The following ATL1 variants were observed in gnomAD, a reference collection of about 807,000 sequenced individuals.
ATL1 encodes the protein atlastin GTPase 1, also known as atlastin-1.
Under a neutral mutation model 75.5 loss-of-function variants are expected in ATL1, and 31 were observed. That is an observed-to-expected ratio of 0.41 (90% CI 0.31 to 0.55). The LOEUF (loss-of-function observed/expected upper bound fraction) is 0.55. ATL1 is among the 20% of genes least tolerant of loss of function. ATL1 has a pLI of 0.27. For missense variants in ATL1, 405 were observed against 662.6 expected, an observed-to-expected ratio of 0.61 and a Z score of 4.27; for synonymous variants, 226 against 233.3, an observed-to-expected ratio of 0.97 and a Z score of 0.28.
At chr14:50,588,208 CT>C in intron 2 of ATL1, 130 bp downstream of exon 2, 1 of 1,205,652 alleles carries the variant, frequency 8.3e-7, no homozygotes, top group Non-Finnish European at 1.2e-6. Context: ...TAAAGAAATG[CT>C]GTGGTGTAAC....
chr14:50,604,111 C>T (rs1364894325), intron 6 of ATL1, among the ~76,000 whole-genome samples: 1 of 152,150 alleles, frequency 6.6e-6, no homozygotes, highest in African/African-American at 2.4e-5. Context: ...ACTAATGTTA[C>T]CGCTCCTTCT....
intron 12 of ATL1, chr14:50,628,718 TTTTC>T: frequency 7.2e-6 from 4 of 552,136 alleles, no homozygotes; most frequent in Non-Finnish European, 1.3e-5. Flanking sequence ...ATATACTTTT[TTTTC>T]TTTTTTTGGG....
At chr14:50,562,639 C>CAACTCAAGTGA (rs56762681) in intron 1 of ATL1, among the ~76,000 whole-genome samples, 3,043 of 152,216 alleles carry the variant, frequency 0.02, 111 homozygotes, top group African/African-American at 0.069. Flanking sequence ...AGGAAAGTTT[C>CAACTCAAGTGA]AACTCAAGTG....
At chr14:50,612,226 T>G (rs977438101) in intron 6 of ATL1, among the ~76,000 whole-genome samples, 5 of 152,096 alleles carry the variant, frequency 3.3e-5, no homozygotes, top group African/African-American at 1.2e-4. Context: ...CTGTTAAAAG[T>G]CAGGCACGTG....
chr14:50,579,089 T>C (rs533473985), intron 1 of ATL1, among the ~76,000 whole-genome samples: 4 of 152,206 alleles, frequency 2.6e-5, no homozygotes, highest in Admixed American at 6.5e-5. Flanking sequence ...TTGTGGGTTT[T>C]GTCAGTTGCT....
At chr14:50,607,385 GTGTTTTGGAGTTTTGTGGGT>G (rs1404404524) in intron 6 of ATL1, among the ~76,000 whole-genome samples, 3 of 152,056 alleles carry the variant, frequency 2.0e-5, no homozygotes, top group Non-Finnish European at 2.9e-5. Context: ...CGTCAGGGGC[GTGTTTTGGAGTTTTGTGGGT>G]TATGGAAGCA....
At chr14:50,626,200 T>C (rs1192478400) in intron 11 of ATL1, among the ~76,000 whole-genome samples, 1 of 152,210 alleles carries the variant, frequency 6.6e-6, no homozygotes, top group Non-Finnish European at 1.5e-5. Flanking sequence ...CTTTCAAAAG[T>C]TAATAAGAAA....
intron 1 of ATL1, among the ~76,000 whole-genome samples, chr14:50,584,879 C>T (rs1371119067): frequency 6.6e-6 from 1 of 151,744 alleles, no homozygotes; most frequent in Non-Finnish European, 1.5e-5. Context: ...GCCTTTTCAT[C>T]AATTATAGCT....
intron 1 of ATL1, among the ~76,000 whole-genome samples, chr14:50,583,187 C>T (rs1415839956): frequency 6.6e-6 from 1 of 152,054 alleles, no homozygotes; most frequent in Admixed American, 6.5e-5. Flanking sequence ...AAAAGTTATG[C>T]CCATTATCAC....
rs2039459839 is a variant in ATL1 at position 50,620,723 on chromosome 14, C to T, written c.987C>T (p.Phe329=). Residue 329 remains phenylalanine (F), a synonymous_variant, in exon 9 of 14, where the codon TTC becomes TTT. Transcript: ENST00000358385. The part of the protein sequence containing the change: ...KITCRGLVEY[F]KAYIKIYQGE... ...CCTGCCGGGGTCTGGTGGAGTACTTCAAGGTATCACTCTCATTTCTAGAGC... is the reference window on the plus strand; with the variant it reads ...CCTGCCGGGGTCTGGTGGAGTACTTTAAGGTATCACTCTCATTTCTAGAGC... 2 of 1,613,214 alleles carry T rather than the reference C, an allele frequency of 1.2e-6. No homozygotes were observed. Among genetic ancestry groups the T allele is most frequent in the Admixed American group, 3.3e-5 (2 of 59,982 alleles).
chr14:50,621,828 T>C lies in ATL1; in HGVS notation c.991-15T>C, dbSNP rs1335247959. The C allele has an allele frequency of 6.5e-7, 1 of 1,526,910 alleles. No homozygotes were observed. Among genetic ancestry groups the C allele is most frequent in the Admixed American group, 1.7e-5 (1 of 59,274 alleles). The allele number at this position is 1,526,910 out of a possible 1,614,324, so 94.6% of individuals were successfully genotyped here. ...ATGGAATTGCTTGAACATGAATCTT[T>C]TTCTTTTTTTTTAGGCTTATATAAA... On this transcript the variant is annotated splice_polypyrimidine_tract_variant and intron_variant, in intron 9 of 13. Coordinates refer to ENST00000358385, the MANE Select transcript of ATL1 (RefSeq NM_015915.5).
At chr14:50,602,895 G>A (rs1298716264) in intron 6 of ATL1, among the ~76,000 whole-genome samples, 5 of 152,098 alleles carry the variant, frequency 3.3e-5, no homozygotes, top group Admixed American at 3.3e-4. Flanking sequence ...CCACAGTTCT[G>A]CTGAATTGGA....
At chr14:50,576,683 C>G (rs2039009019) in intron 1 of ATL1, among the ~76,000 whole-genome samples, 2 of 152,166 alleles carry the variant, frequency 1.3e-5, no homozygotes, top group Admixed American at 6.5e-5. Flanking sequence ...CCAAGTGATC[C>G]TTCTACCTCA....
chr14:50,537,207 C>A (rs750017328), intron 1 of ATL1, among the ~76,000 whole-genome samples: 1 of 152,212 alleles, frequency 6.6e-6, no homozygotes, highest in Non-Finnish European at 1.5e-5. Context: ...AAGGGGCCAA[C>A]ATAGAGCTGG....
At chr14:50,542,830 C>G (rs1176816937) in intron 1 of ATL1, among the ~76,000 whole-genome samples, 1 of 152,156 alleles carries the variant, frequency 6.6e-6, no homozygotes, top group Non-Finnish European at 1.5e-5. Context: ...GAGAAATTCT[C>G]CCAGTGGATA....
At chr14:50,621,933 C>A in intron 10 of ATL1, 34 bp downstream of exon 10, 1 of 1,402,570 alleles carries the variant, frequency 7.1e-7, no homozygotes, top group Non-Finnish European at 1.0e-6. Flanking sequence ...TTTTAAGACA[C>A]GTGACTAAGG....
chr14:50,601,110 AAAAT>A (rs2039268315), intron 6 of ATL1, among the ~76,000 whole-genome samples: 1 of 152,186 alleles, frequency 6.6e-6, no homozygotes, highest in Non-Finnish European at 1.5e-5. Context: ...CGTATCTCAA[AAAAT>A]AAATAAATAG....
chr14:50,628,841 C>T (rs1274038772), intron 12 of ATL1, among the ~76,000 whole-genome samples: 11 of 152,088 alleles, frequency 7.2e-5, no homozygotes, highest in African/African-American at 2.4e-4. Context: ...CTCAGCCTCT[C>T]GAGTAGATGG....
chr14:50,568,282 G>T (rs561918422), intron 1 of ATL1, among the ~76,000 whole-genome samples: 178 of 152,208 alleles, frequency 1.2e-3, no homozygotes, highest in South Asian at 4.6e-3. Flanking sequence ...TGTAGTCTCA[G>T]CTATTCCAGA....
Sources: allele counts gnomAD v4.1 joint callset (sites outside exome capture counted in the v4.1 genomes callset), GRCh38; gene constraint gnomAD v4.1.1; transcripts MANE v1.5; gene names NCBI Gene and HGNC (gene_info 2026-07-23, HGNC 2026-07-21).